Variants in PHACTR2 observed in about 807,000 individuals in gnomAD.
PHACTR2 encodes phosphatase and actin regulator 2.
Under a neutral mutation model 76.0 loss-of-function variants are expected in PHACTR2, and 30 were observed. The observed-to-expected ratio is 0.39, with a 90% CI of 0.30 to 0.54. The LOEUF is 0.54. Ranked by LOEUF, PHACTR2 falls within the 20% of genes least tolerant of loss-of-function variation. The pLI is 0.61. For synonymous variants in PHACTR2, 292 were observed against 292.5 expected (o/e 1.00, Z 0.02); for missense variants, 696 against 781.1 (o/e 0.89, Z 1.30).
At position 143,829,130 on chromosome 6, in the gene PHACTR2, T is replaced by A. The variant is rs1776605607; in HGVS notation, c.*5441T>A. 6.6e-6 allele frequency: 1 copy of A among 151,034 alleles called. No individual in the cohort carries two copies. Among genetic ancestry groups the A allele is most frequent in the Non-Finnish European group, 1.5e-5 (1 of 67,816 alleles). The allele number at this position is 151,034 out of a possible 1,614,324, so 9.4% of individuals were successfully genotyped here. On this transcript the variant is annotated 3_prime_UTR_variant, in exon 13 of 13. Coordinates refer to ENST00000440869, the MANE Select transcript of PHACTR2 (RefSeq NM_001100164.2). Reference sequence around the variant, plus strand: ...GCATGGGGACTTGGCCTAGTCCCTATATATATATACTTAAAGTCCCTATAT... The same window carrying A: ...GCATGGGGACTTGGCCTAGTCCCTAAATATATATACTTAAAGTCCCTATAT...
intron 1 of PHACTR2, among the ~76,000 whole-genome samples, chr6:143,702,936 T>C (rs1312731408): frequency 2.0e-5 from 3 of 151,658 alleles, no homozygotes; most frequent in African/African-American, 4.8e-5. Context: ...AAAAAGTTTA[T>C]AGATGAATCT....
chr6:143,537,589 G>C lies in PHACTR2; in HGVS notation c.217+382G>C, dbSNP rs570412737. Reference sequence around the variant, plus strand: ...TCTTCGGCGCGACTTTGGTCCCTCGGAAGGGTGCGGTTCCCTCACTTTGCG... The same window carrying C: ...TCTTCGGCGCGACTTTGGTCCCTCGCAAGGGTGCGGTTCCCTCACTTTGCG... On this transcript the variant is annotated intron_variant, in intron 1 of 11. Transcript: ENST00000367584. The surrounding 1 kb of genome is among the most constrained non-coding windows in gnomAD (Gnocchi z 4.4). Among the ~76,000 whole-genome samples the C allele has an allele frequency of 6.6e-6, 1 of 152,306 alleles. No individual in the cohort carries two copies. The highest frequency in any genetic ancestry group is 2.4e-5 in the African/African-American group (1 of 41,578).
chr6:143,727,160 A>G (rs1778591311), intron 2 of PHACTR2, among the ~76,000 whole-genome samples: 3 of 152,212 alleles, frequency 2.0e-5, no homozygotes, highest in African/African-American at 7.2e-5. Context: ...CTCTACCTCT[A>G]TCAGATCAAC....
At chr6:143,718,650 C>T (rs1459405152) in intron 2 of PHACTR2, among the ~76,000 whole-genome samples, 1 of 152,130 alleles carries the variant, frequency 6.6e-6, no homozygotes, top group Non-Finnish European at 1.5e-5. Flanking sequence ...AAATGGTTGG[C>T]AAGGATCAAA....
chr6:143,704,344 G>A (rs1171973151), intron 1 of PHACTR2, among the ~76,000 whole-genome samples: 1 of 152,094 alleles, frequency 6.6e-6, no homozygotes, highest in Non-Finnish European at 1.5e-5. Flanking sequence ...TATTAGTAAA[G>A]GGAGAATTTT....
intron 1 of PHACTR2, among the ~76,000 whole-genome samples, chr6:143,705,529 C>T (rs569829320): frequency 2.6e-5 from 4 of 152,026 alleles, no homozygotes; most frequent in Admixed American, 1.3e-4. Flanking sequence ...CTCCTGACCT[C>T]GCGTGATCTG....
At chr6:143,563,445 A>C (rs1246224725) in intron 1 of PHACTR2, among the ~76,000 whole-genome samples, 3 of 151,582 alleles carry the variant, frequency 2.0e-5, no homozygotes, top group Admixed American at 6.6e-5. Context: ...AGTTCCAGGT[A>C]CTCAGGAGGC....
At position 143,562,326 on chromosome 6, in the gene PHACTR2, A is replaced by T. The variant is rs114133232; in HGVS notation, c.217+25119A>T. The stretch of plus-strand genomic sequence containing the variant: ...GGCCTCCCCAGGCCTCAGGAAGTTT[A>T]CAATGAGGCTGGAAAGCAAAGGGGA... On this transcript the variant is annotated intron_variant, in intron 1 of 11. Coordinates refer to the PHACTR2 transcript ENST00000367584. The surrounding 1 kb of genome is among the most constrained non-coding windows in gnomAD (Gnocchi z 5.1). Among the ~76,000 whole-genome samples, 1,577 of 152,282 alleles carry T rather than the reference A, an allele frequency of 0.01. 31 individuals carry two copies. The highest frequency in any genetic ancestry group is 0.036 in the African/African-American group (1,487 of 41,538).
Position 143,743,190 on chromosome 6 carries a change from CA to C in PHACTR2, c.215-5794del, listed in dbSNP as rs756375292. Among the ~76,000 whole-genome samples, 11 of 152,098 alleles carry C rather than the reference CA, an allele frequency of 7.2e-5. No homozygotes were observed. Among genetic ancestry groups the C allele is most frequent in the Non-Finnish European group, 7.4e-5 (5 of 68,026 alleles). On this transcript the variant is annotated intron_variant, in intron 2 of 12. Coordinates refer to ENST00000440869, the MANE Select transcript of PHACTR2 (RefSeq NM_001100164.2). The surrounding 1 kb of genome is among the most constrained non-coding windows in gnomAD (Gnocchi z 5.0). ...ATTTCACCCGAGAGGGATAGGGAAA[CA>C]GTCTAAATTCTAGGAAGAAGGAACA... is the stretch of plus-strand genomic sequence containing the variant.
chr6:143,770,287 G>A (rs1431696729), intron 6 of PHACTR2, among the ~76,000 whole-genome samples: 2 of 152,162 alleles, frequency 1.3e-5, no homozygotes, highest in Non-Finnish European at 2.9e-5. Flanking sequence ...TCTTAGAGAA[G>A]GTGCTTAGAA....
In PHACTR2 at chr6:143,774,269, C is replaced by A; in HGVS notation, c.1589+54C>A. 2 of 1,436,180 alleles carry A rather than the reference C, an allele frequency of 1.4e-6. No homozygotes were observed. The highest frequency in any genetic ancestry group is 1.9e-6 in the Non-Finnish European group (2 of 1,028,104). 89.0% of individuals were successfully genotyped at this position (1,436,180 alleles called of 1,614,324 possible). A position where few individuals can be genotyped will look rare whatever the true frequency, so the allele number is the denominator to read the frequency against. On this transcript the variant is annotated intron_variant, in intron 8 of 12. Transcript: ENST00000440869. This position sits in a 1 kb window ranked among gnomAD's most constrained non-coding sequence, Gnocchi z 5.4. The stretch of plus-strand genomic sequence containing the variant: ...GACTAATTTGTATTTTTCTCCCTCC[C>A]AAAGCTTCCTACCTAACTGGGGTCA...
chr6:143,540,977 G>C (rs1781166899), intron 1 of PHACTR2, among the ~76,000 whole-genome samples: 2 of 152,206 alleles, frequency 1.3e-5, no homozygotes, highest in South Asian at 4.1e-4. Context: ...TACAATGGCT[G>C]TTCGCCAGTA....
intron 2 of PHACTR2, among the ~76,000 whole-genome samples, chr6:143,735,105 T>C (rs60077446): frequency 0.054 from 8,262 of 152,292 alleles, 763 homozygotes; most frequent in African/African-American, 0.19. Flanking sequence ...TTCTTTTGTG[T>C]TAGGTGTTTG....
chr6:143,644,572 CT>C (rs572172973), intron 1 of PHACTR2, among the ~76,000 whole-genome samples: 79 of 147,798 alleles, frequency 5.3e-4, no homozygotes, highest in African/African-American at 9.9e-4. Flanking sequence ...ATATTTTAGG[CT>C]TTTTTTTTAG....
At chr6:143,674,993 T>C (rs1392694165), upstream of PHACTR2, among the ~76,000 whole-genome samples, 1 of 152,206 alleles carries the variant, frequency 6.6e-6, no homozygotes, top group African/African-American at 2.4e-5. This position sits in a 1 kb window ranked among gnomAD's most constrained non-coding sequence, Gnocchi z 4.9. Context: ...GTGGCTTCCA[T>C]CCAGGAGGAG....
In PHACTR2 at chr6:143,539,654, C is replaced by T. The variant is rs1781154489; in HGVS notation, c.217+2447C>T. 6.6e-6 allele frequency among the ~76,000 whole-genome samples: 1 copy of T among 152,186 alleles called. No individual in the cohort carries two copies. The highest frequency in any genetic ancestry group is 1.5e-5 in the Non-Finnish European group (1 of 68,032). ...CTTCTCCAGAAGCTCTGGGCACACA[C>T]AGAGGCAGCACCTAGAGCAAGGTCA... is the stretch of plus-strand genomic sequence containing the variant. On this transcript the variant is annotated intron_variant, in intron 1 of 11. Coordinates refer to the PHACTR2 transcript ENST00000367584. This position sits in a 1 kb window ranked among gnomAD's most constrained non-coding sequence, Gnocchi z 4.3.
Position 143,757,959 on chromosome 6 carries a change from G to GTGCACACA in PHACTR2, c.455-2442_455-2441insTGCACACA, listed in dbSNP as rs1779340260. Among the ~76,000 whole-genome samples, 1 of 145,600 alleles carries GTGCACACA rather than the reference G, an allele frequency of 6.9e-6. No homozygotes were observed. Among genetic ancestry groups the GTGCACACA allele is most frequent in the Admixed American group, 6.7e-5 (1 of 14,826 alleles). On this transcript the variant is annotated intron_variant, in intron 4 of 12. Transcript: ENST00000440869. This position sits in a 1 kb window ranked among gnomAD's most constrained non-coding sequence, Gnocchi z 4.2. The stretch of plus-strand genomic sequence containing the variant: ...CCTGCGTGTGTGTGCATGCACACGT[G>GTGCACACA]CGCGCACACACACACACACACACAC...
intron 1 of PHACTR2, among the ~76,000 whole-genome samples, chr6:143,566,610 T>C (rs1775366766): frequency 6.6e-6 from 1 of 152,130 alleles, no homozygotes; most frequent in Admixed American, 6.5e-5. Context: ...AGCCATTTTT[T>C]AGTAAAACTT....
intron 11 of PHACTR2, among the ~76,000 whole-genome samples, chr6:143,802,775 A>G (rs1775988149): frequency 6.6e-6 from 1 of 152,106 alleles, no homozygotes; most frequent in Admixed American, 6.6e-5. Flanking sequence ...TGTCTGATTT[A>G]CTTTTTTTCC....
Sources: gnomAD v4.1 joint callset for allele counts (sites outside exome capture counted in the v4.1 genomes callset) on GRCh38, gnomAD v4.1.1 for gene constraint, Gnocchi (gnomAD v3.1) non-coding constraint, MANE v1.5 for transcripts, NCBI Gene and HGNC (gene_info 2026-07-23, HGNC 2026-07-21) for gene names.